Variants in VGLL4 observed in about 807,000 individuals in gnomAD.
VGLL4 encodes the protein vestigial like family member 4.
Under a neutral mutation model 21.0 loss-of-function variants are expected in VGLL4, and 7 were observed. The observed-to-expected ratio is 0.33, with a 90% CI of 0.19 to 0.63. The LOEUF (loss-of-function observed/expected upper bound fraction) is 0.63, where lower values mean the gene tolerates loss of function less well. Ranked by LOEUF, VGLL4 falls within the 20% of genes least tolerant of loss-of-function variation. The pLI, the probability that VGLL4 is intolerant of heterozygous loss-of-function variation, is 0.78. For synonymous variants in VGLL4, 222 were observed against 173.2 expected (o/e 1.28, Z -2.21); for missense variants, 394 against 425.7 (o/e 0.93, Z 0.66).
At position 11,564,983 on chromosome 3, in the gene VGLL4, G is replaced by A. The variant is rs760399077; in HGVS notation, c.309C>T (p.Pro103=). The change falls in exon 3 of 5, where the codon CCC becomes CCT. Residue 103 remains proline, a synonymous_variant. Coordinates refer to ENST00000430365, the MANE Select transcript of VGLL4 (RefSeq NM_001128219.3). ...CGATGGGGCTGCGGCTCCGCTCCCG[G>A]GGGTCTCTGCGGCAGTCTCCATTGG... ...KTANGDCRRD[P]RERSRSPIER... 1 of 1,530,008 alleles carries A rather than the reference G, an allele frequency of 6.5e-7. No individual in the cohort carries two copies. Among genetic ancestry groups the A allele is most frequent in the East Asian group, 2.4e-5 (1 of 41,722 alleles). 94.8% of individuals were successfully genotyped at this position (1,530,008 alleles called of 1,614,324 possible). A position where few individuals can be genotyped will look rare whatever the true frequency, so the allele number is the denominator to read the frequency against.
At chr3:11,718,891 T>G (rs1410679852) in intron 1 of VGLL4, among the ~76,000 whole-genome samples, 1 of 152,184 alleles carries the variant, frequency 6.6e-6, no homozygotes, top group African/African-American at 2.4e-5. Flanking sequence ...TTTTTAATCA[T>G]CTAACTTAAA....
intron 2 of VGLL4, among the ~76,000 whole-genome samples, chr3:11,600,282 A>G (rs759622293): frequency 8.6e-5 from 13 of 152,002 alleles, no homozygotes; most frequent in Non-Finnish European, 1.8e-4. Flanking sequence ...CCAAAGCCTC[A>G]CAGCTGTTGT....
At chr3:11,714,561 T>C (rs964266885) in intron 1 of VGLL4, among the ~76,000 whole-genome samples, 3 of 143,438 alleles carry the variant, frequency 2.1e-5, no homozygotes, top group Non-Finnish European at 4.5e-5. Context: ...AATAAATAAA[T>C]AAAAATACAA....
At chr3:11,667,487 C>T (rs2076143301) in intron 2 of VGLL4, among the ~76,000 whole-genome samples, 1 of 152,144 alleles carries the variant, frequency 6.6e-6, no homozygotes, top group African/African-American at 2.4e-5. Flanking sequence ...GATCATTTAT[C>T]ATATACCATT....
chr3:11,687,936 G>A (rs2076475188), intron 2 of VGLL4, among the ~76,000 whole-genome samples: 1 of 152,030 alleles, frequency 6.6e-6, no homozygotes, highest in African/African-American at 2.4e-5. Flanking sequence ...GTTTCTATCA[G>A]ATATATTTTA....
chr3:11,558,438 A>G lies in VGLL4; in HGVS notation c.*118T>C. On this transcript the variant is annotated 3_prime_UTR_variant, in exon 5 of 5. Transcript: ENST00000430365. ...TCCCAACAACATGGTTTTTGCAAAT[A>G]AACCATCCCTTCCCTTCCCCCCACC... The G allele has an allele frequency of 7.1e-7, 1 of 1,406,042 alleles. No individual in the cohort carries two copies. The highest frequency in any genetic ancestry group is 1.4e-5 in the African/African-American group (1 of 69,230). 87.1% of individuals were successfully genotyped at this position (1,406,042 alleles called of 1,614,324 possible).
At chr3:11,709,010 G>A (rs1274252942) in intron 1 of VGLL4, among the ~76,000 whole-genome samples, 4 of 152,022 alleles carry the variant, frequency 2.6e-5, no homozygotes, top group East Asian at 1.9e-4. Context: ...GCAGTGAGCC[G>A]AGATTGGGAA....
At chr3:11,623,567 T>C (rs1424823228) in intron 1 of VGLL4, among the ~76,000 whole-genome samples, 2 of 152,220 alleles carry the variant, frequency 1.3e-5, no homozygotes, top group Non-Finnish European at 2.9e-5. Flanking sequence ...GTCAGGGTTT[T>C]CTGTAAGTTG....
At position 11,702,805 on chromosome 3, in the gene VGLL4, T is replaced by G. The variant is rs1184858001; in HGVS notation, c.64+166A>C. On this transcript the variant is annotated intron_variant, in intron 2 of 5. Coordinates refer to the VGLL4 transcript ENST00000273038. ...GCCAGTTAAAAGACTTACATGTTCTTGAAAATACAAATGAGGATGTGAAGC... is the reference window on the plus strand; with the variant it reads ...GCCAGTTAAAAGACTTACATGTTCTGGAAAATACAAATGAGGATGTGAAGC... 18 of 471,050 alleles carry G rather than the reference T, an allele frequency of 3.8e-5. No homozygotes were observed. The East Asian group carries it at 6.8e-4, about 18-fold the overall frequency. The allele number at this position is 471,050 out of a possible 1,614,324, so 29.2% of individuals were successfully genotyped here. A position where few individuals can be genotyped will look rare whatever the true frequency, so the allele number is the denominator to read the frequency against.
At chr3:11,637,454 C>A (rs1024750602) in intron 1 of VGLL4, among the ~76,000 whole-genome samples, 2 of 151,944 alleles carry the variant, frequency 1.3e-5, no homozygotes, top group Admixed American at 6.6e-5. Flanking sequence ...GACTTCTTTG[C>A]AAACAAAAGA....
chr3:11,569,672 A>C (rs9310385), intron 2 of VGLL4, among the ~76,000 whole-genome samples: 3,923 of 152,318 alleles, frequency 0.026, 74 homozygotes, highest in South Asian at 0.055. Flanking sequence ...AGAATCCGAC[A>C]TCTGAGAACT....
At chr3:11,702,928 C>A (rs372713702) in intron 2 of VGLL4, 2 of 1,561,678 alleles carry the variant, frequency 1.3e-6, no homozygotes, top group Admixed American at 1.8e-5. Flanking sequence ...GACAAGGGAT[C>A]ATTAAAGCAC....
At chr3:11,690,155 T>TC (rs1559946473) in intron 2 of VGLL4, among the ~76,000 whole-genome samples, 3 of 152,208 alleles carry the variant, frequency 2.0e-5, no homozygotes, top group Admixed American at 1.3e-4. Context: ...CAGCTTTTAA[T>TC]CCCCCCCTTT....
chr3:11,692,502 C>T (rs1176338459), intron 2 of VGLL4, among the ~76,000 whole-genome samples: 2 of 152,132 alleles, frequency 1.3e-5, no homozygotes, highest in East Asian at 1.9e-4. Flanking sequence ...CAACTGAAAG[C>T]GCCGACTTTT....
chr3:11,580,457 G>C (rs114647688), intron 2 of VGLL4, among the ~76,000 whole-genome samples: 2,778 of 152,280 alleles, frequency 0.018, 81 homozygotes, highest in African/African-American at 0.063. Flanking sequence ...TATGAACATG[G>C]GTGTGCAAGT....
chr3:11,682,629 G>A (rs542832649), intron 2 of VGLL4, among the ~76,000 whole-genome samples: 10 of 152,084 alleles, frequency 6.6e-5, no homozygotes, highest in Admixed American at 2.6e-4. Context: ...TTTCAATAGC[G>A]ATGGAAAGTG....
chr3:11,661,459 A>ATTTATTTC (rs2076037311), intron 2 of VGLL4, among the ~76,000 whole-genome samples: 2 of 151,046 alleles, frequency 1.3e-5, no homozygotes, highest in Admixed American at 1.3e-4. Flanking sequence ...TTATTTATTT[A>ATTTATTTC]TTTATCTATT....
At chr3:11,721,755 A>G (rs1260228345), upstream of VGLL4, 1 of 152,194 alleles carries the variant, frequency 6.6e-6, no homozygotes, top group Non-Finnish European at 1.5e-5. Context: ...TTGAATCCAA[A>G]CTCCGCCTCT....
At chr3:11,665,571 G>A (rs1001043532) in intron 2 of VGLL4, among the ~76,000 whole-genome samples, 1 of 152,214 alleles carries the variant, frequency 6.6e-6, no homozygotes, top group Non-Finnish European at 1.5e-5. Context: ...AGCAGCTGTG[G>A]GGGAAGAGGG....
Sources: gnomAD v4.1 joint callset for allele counts (sites outside exome capture counted in the v4.1 genomes callset) on GRCh38, gnomAD v4.1.1 for gene constraint, MANE v1.5 for transcripts, NCBI Gene and HGNC (gene_info 2026-07-23, HGNC 2026-07-21) for gene names.